The following PTPRM variants were observed in gnomAD, a reference collection of about 807,000 sequenced individuals.
PTPRM encodes the protein protein tyrosine phosphatase receptor type M.
PTPRM carries 47 observed loss-of-function variants against 186.7 expected under a neutral mutation model. The ratio of observed to expected loss-of-function variants is 0.25; its 90% confidence interval spans 0.20 to 0.32. The LOEUF (loss-of-function observed/expected upper bound fraction) is 0.32. Among genes scored for constraint, PTPRM ranks in the 10% least tolerant of loss-of-function variants. The probability of loss-of-function intolerance (pLI) is 1.00; values close to 1 mark genes in which losing one functional copy is unlikely to be tolerated. For synonymous variants in PTPRM, 668 were observed against 674.9 expected, an observed-to-expected ratio of 0.99 and a Z score of 0.16; for missense variants, 1,494 against 1,865.0, an observed-to-expected ratio of 0.80 and a Z score of 3.66.
At chr18:8,284,393 C>G (rs1314113763) in intron 19 of PTPRM, among the ~76,000 whole-genome samples, 1 of 152,186 alleles carries the variant, frequency 6.6e-6, no homozygotes, top group Non-Finnish European at 1.5e-5. Context: ...CTAAATACAA[C>G]TTCTGGCAAC....
intron 7 of PTPRM, among the ~76,000 whole-genome samples, chr18:8,026,518 T>A: frequency 6.6e-6 from 1 of 152,150 alleles, no homozygotes; most frequent in Non-Finnish European, 1.5e-5. Flanking sequence ...TAGTATGTAG[T>A]ATATTATTTC....
intron 26 of PTPRM, chr18:8,378,057 G>A: frequency 1.9e-6 from 1 of 522,534 alleles, no homozygotes; most frequent in East Asian, 3.1e-5. Context: ...AGTGCGTGTG[G>A]TGGTTTGTAT....
chr18:8,325,242 G>A (rs2095368591), intron 22 of PTPRM, among the ~76,000 whole-genome samples: 1 of 152,160 alleles, frequency 6.6e-6, no homozygotes, highest in Non-Finnish European at 1.5e-5. Flanking sequence ...AGGGTTTGGT[G>A]TACAGATTAT....
At chr18:8,348,900 G>T (rs61150991) in intron 23 of PTPRM, among the ~76,000 whole-genome samples, 44 of 152,296 alleles carry the variant, frequency 2.9e-4, no homozygotes, top group African/African-American at 9.9e-4. Context: ...AAGATAAAAT[G>T]TTTTGGAGCT....
At chr18:8,379,145 G>A in intron 27 of PTPRM, 22 bp from the exon 28 acceptor site, 1 of 1,562,170 alleles carries the variant, frequency 6.4e-7, no homozygotes, top group Non-Finnish European at 8.7e-7. Flanking sequence ...TTGTCCTCAT[G>A]TTCCTTTCTT....
rs2039138538 is a variant in PTPRM at position 7,668,111 on chromosome 18, T to A, written c.73+100220T>A. On this transcript the variant is annotated intron_variant, in intron 1 of 32. Coordinates refer to ENST00000580170, the MANE Select transcript of PTPRM (RefSeq NM_001105244.2). This position sits in a 1 kb window ranked among gnomAD's most constrained non-coding sequence, Gnocchi z 4.7. ...GTGGTGGTTGTAATGTATTTGCTTTTAGAGAAATGGTTTCTTTTGTATGAA... is the reference window on the plus strand; with the variant it reads ...GTGGTGGTTGTAATGTATTTGCTTTAAGAGAAATGGTTTCTTTTGTATGAA... 6.6e-6 allele frequency among the ~76,000 whole-genome samples: 1 copy of A among 152,170 alleles called. No homozygotes were observed. The highest frequency in any genetic ancestry group is 2.1e-4 in the South Asian group (1 of 4,830).
chr18:8,248,401 C>A (rs912377938), intron 17 of PTPRM: 2 of 608,458 alleles, frequency 3.3e-6, no homozygotes, highest in Non-Finnish European at 3.0e-6. Flanking sequence ...GGGATGATAC[C>A]AACAGGTTCA....
intron 7 of PTPRM, among the ~76,000 whole-genome samples, 190 bp from the exon 8 acceptor site, chr18:8,069,496 G>A (rs2148436730): frequency 6.6e-6 from 1 of 152,362 alleles, no homozygotes; most frequent in South Asian, 2.1e-4. Flanking sequence ...TCCATCTGCA[G>A]AAAATAATGG....
At chr18:8,012,000 A>G (rs1033473144) in intron 7 of PTPRM, among the ~76,000 whole-genome samples, 4 of 152,110 alleles carry the variant, frequency 2.6e-5, no homozygotes, top group Non-Finnish European at 5.9e-5. Context: ...TCCTTTTTGT[A>G]GAGAAGAAAA....
At chr18:8,019,592 T>C (rs1378523650) in intron 7 of PTPRM, among the ~76,000 whole-genome samples, 2 of 151,874 alleles carry the variant, frequency 1.3e-5, no homozygotes, top group African/African-American at 4.8e-5. Flanking sequence ...TTCTTTTCTT[T>C]TCTTTTCTTT....
At chr18:7,984,888 T>C (rs1348788087) in intron 7 of PTPRM, among the ~76,000 whole-genome samples, 133 of 128,162 alleles carry the variant, frequency 1.0e-3, no homozygotes, top group African/African-American at 3.3e-3. Context: ...TAATTATATA[T>C]ACATATATAA....
At chr18:8,294,155 G>A (rs111232347) in intron 19 of PTPRM, among the ~76,000 whole-genome samples, 13,464 of 152,194 alleles carry the variant, frequency 0.088, 718 homozygotes, top group Non-Finnish European at 0.12. Context: ...GGGAGGCTGA[G>A]GTACAAGAAT....
At chr18:7,664,421 CT>C (rs2039049408) in intron 1 of PTPRM, among the ~76,000 whole-genome samples, 1 of 152,188 alleles carries the variant, frequency 6.6e-6, no homozygotes, top group Non-Finnish European at 1.5e-5. Flanking sequence ...AGCATAAGCC[CT>C]TGTGAGCACA....
intron 2 of PTPRM, among the ~76,000 whole-genome samples, chr18:7,796,598 C>T (rs933613379): frequency 6.6e-6 from 1 of 152,178 alleles, no homozygotes; most frequent in African/African-American, 2.4e-5. Context: ...GGTAGGGGAG[C>T]AGGCCAAATG....
intron 1 of PTPRM, among the ~76,000 whole-genome samples, chr18:7,738,438 T>A (rs909185276): frequency 1.3e-5 from 2 of 151,856 alleles, no homozygotes; most frequent in African/African-American, 2.4e-5. Flanking sequence ...TTATTCAACT[T>A]TTGGTTTTTT....
intron 23 of PTPRM, among the ~76,000 whole-genome samples, chr18:8,351,713 C>G (rs1404930423): frequency 1.3e-5 from 2 of 152,196 alleles, no homozygotes; most frequent in Non-Finnish European, 2.9e-5. Context: ...AACTTTAACA[C>G]AAAACTAGAA....
intron 13 of PTPRM, among the ~76,000 whole-genome samples, chr18:8,140,706 T>C (rs1193985565): frequency 6.6e-6 from 1 of 152,102 alleles, no homozygotes; most frequent in East Asian, 1.9e-4. Context: ...TAATATCCAC[T>C]GATAAATGGA....
chr18:7,820,862 T>C (rs1412614423), intron 2 of PTPRM, among the ~76,000 whole-genome samples: 1 of 152,170 alleles, frequency 6.6e-6, no homozygotes, highest in Non-Finnish European at 1.5e-5. Context: ...GCCAGAGGCT[T>C]AGCTGCTGTG....
At chr18:8,029,551 C>T (rs936661602) in intron 7 of PTPRM, among the ~76,000 whole-genome samples, 14 of 152,204 alleles carry the variant, frequency 9.2e-5, no homozygotes, top group African/African-American at 3.1e-4. Flanking sequence ...TGTGCTGGCT[C>T]CCTGCCACCA....
Sources: gnomAD v4.1 joint callset for allele counts (sites outside exome capture counted in the v4.1 genomes callset) on GRCh38, gnomAD v4.1.1 for gene constraint, Gnocchi (gnomAD v3.1) non-coding constraint, MANE v1.5 for transcripts, NCBI Gene and HGNC (gene_info 2026-07-23, HGNC 2026-07-21) for gene names.